EHBP1: variants seen among roughly 807,000 people sequenced by gnomAD.
The protein encoded by EHBP1 is EH domain binding protein 1.
A neutral mutation model predicts 144.0 loss-of-function variants in EHBP1; 55 were observed. The observed-to-expected ratio is 0.38, with a 90% confidence interval of 0.31 to 0.48. The LOEUF is 0.48. Among genes scored for constraint, EHBP1 ranks in the 20% least tolerant of loss-of-function variants. EHBP1 has a pLI of 0.98. For synonymous variants in EHBP1, 469 were observed against 472.7 expected (o/e 0.99, Z 0.10); for missense variants, 1,200 against 1,364.2 (o/e 0.88, Z 1.90).
At chr2:62,950,254 G>T (rs1274432653) in intron 13 of EHBP1, among the ~76,000 whole-genome samples, 1 of 151,982 alleles carries the variant, frequency 6.6e-6, no homozygotes, top group Non-Finnish European at 1.5e-5. Context: ...AGCCCCCAAA[G>T]TTAAAGCTAT....
intron 19 of EHBP1, among the ~76,000 whole-genome samples, chr2:63,025,423 GCTAA>G (rs1408199770): frequency 3.3e-5 from 5 of 152,196 alleles, no homozygotes; most frequent in Non-Finnish European, 7.3e-5. Flanking sequence ...ACCACACCCA[GCTAA>G]CTAACTTTTT....
chr2:62,680,030 T>G (rs1424776663), intron 1 of EHBP1, among the ~76,000 whole-genome samples: 2 of 152,212 alleles, frequency 1.3e-5, no homozygotes, highest in Admixed American at 6.5e-5. Flanking sequence ...CTCCCAAATG[T>G]GAGGGATTTG....
At chr2:62,709,452 T>C (rs1242128802) in intron 2 of EHBP1, among the ~76,000 whole-genome samples, 1 of 152,158 alleles carries the variant, frequency 6.6e-6, no homozygotes, top group Non-Finnish European at 1.5e-5. Context: ...AAATAGAACA[T>C]TATCAGGTGA....
rs559924440 is a variant in EHBP1, at chr2:62,751,759, A to T, written c.162+4307A>T. On this transcript the variant is annotated intron_variant, in intron 3 of 22. Transcript: ENST00000431489. ...TTTATGCATTTCTTCTAGATTTTCT[A>T]GTTTATTTGTGTAGAGGTGTTTATA... Among the ~76,000 whole-genome samples, 16 of 152,154 alleles carry T rather than the reference A, an allele frequency of 1.1e-4. No homozygotes were observed. The South Asian group carries it at 3.3e-3, about 32-fold the overall frequency.
chr2:62,987,091 T>G (rs984379643), intron 15 of EHBP1, among the ~76,000 whole-genome samples: 3 of 152,162 alleles, frequency 2.0e-5, no homozygotes, highest in African/African-American at 4.8e-5. Flanking sequence ...GAAATTAAAG[T>G]TAAACCTCTA....
chr2:62,788,572 A>G (rs972702939), intron 5 of EHBP1, among the ~76,000 whole-genome samples: 1 of 152,146 alleles, frequency 6.6e-6, no homozygotes, highest in African/African-American at 2.4e-5. Context: ...CAGTTTAACT[A>G]TATATTTTTC....
chr2:62,988,856 AG>A (rs896659231), intron 15 of EHBP1, among the ~76,000 whole-genome samples: 6 of 152,242 alleles, frequency 3.9e-5, no homozygotes, highest in South Asian at 2.1e-4. Context: ...AGCTAAAGGG[AG>A]TGAGAGCAAG....
intron 2 of EHBP1, among the ~76,000 whole-genome samples, chr2:62,712,387 G>GAGTTGTCAAGT (rs1553371956): frequency 1.7e-3 from 260 of 152,336 alleles, no homozygotes; most frequent in African/African-American, 5.5e-3. Context: ...AGTTGTCAAA[G>GAGTTGTCAAGT]TGAGAATGAA....
At chr2:62,882,028 C>A (rs896941745) in intron 10 of EHBP1, among the ~76,000 whole-genome samples, 1 of 152,152 alleles carries the variant, frequency 6.6e-6, no homozygotes, top group African/African-American at 2.4e-5. Context: ...ATACTCTACT[C>A]GGGTACCTGG....
intron 2 of EHBP1, among the ~76,000 whole-genome samples, chr2:62,723,328 A>C (rs1188250731): frequency 2.6e-5 from 4 of 151,992 alleles, no homozygotes; most frequent in African/African-American, 9.7e-5. Context: ...GTTTTCTATT[A>C]GCCCTGTAGG....
intron 4 of EHBP1, among the ~76,000 whole-genome samples, chr2:62,764,972 A>G (rs1385960252): frequency 1.3e-5 from 2 of 152,110 alleles, no homozygotes; most frequent in East Asian, 1.9e-4. Flanking sequence ...TAAATTGAAA[A>G]TAGCTGTTTC....
In EHBP1 at chr2:62,926,617, A is replaced by G. The variant is rs150989762; in HGVS notation, c.1186-16101A>G. Reference sequence around the variant, plus strand: ...CTAATCATGAGGGAAATGCAAATCAAAATCACAAAGAGATATCTCTTTCCA... The same window carrying G: ...CTAATCATGAGGGAAATGCAAATCAGAATCACAAAGAGATATCTCTTTCCA... On this transcript the variant is annotated intron_variant, in intron 10 of 22. Coordinates refer to ENST00000431489, the MANE Select transcript of EHBP1 (RefSeq NM_001142616.3). 9.5e-3 allele frequency among the ~76,000 whole-genome samples: 1,442 copies of G among 152,286 alleles called. 16 individuals carry two copies. The highest frequency in any genetic ancestry group is 0.024 in the Middle Eastern group (7 of 294).
intron 5 of EHBP1, among the ~76,000 whole-genome samples, chr2:62,808,193 A>G (rs764505870): frequency 4.2e-5 from 6 of 142,446 alleles, no homozygotes; most frequent in Middle Eastern, 3.9e-3. Flanking sequence ...CCAAGTCATT[A>G]TTATTTCAAT....
intron 19 of EHBP1, among the ~76,000 whole-genome samples, chr2:63,031,883 C>G (rs907939733): frequency 2.6e-5 from 4 of 152,014 alleles, no homozygotes; most frequent in Non-Finnish European, 5.9e-5. Flanking sequence ...GAGCTGAGAT[C>G]GTGTCACTGC....
chr2:62,762,238 C>T (rs953154714), intron 3 of EHBP1, among the ~76,000 whole-genome samples: 12 of 152,236 alleles, frequency 7.9e-5, no homozygotes, highest in African/African-American at 2.9e-4. Context: ...CAGGATGCCA[C>T]ACTTTTGCTT....
In EHBP1 at chr2:62,840,343, A is replaced by G. The variant is rs1162986448; in HGVS notation, c.634+9185A>G. Among the ~76,000 whole-genome samples the G allele has an allele frequency of 3.1e-5, 4 of 128,464 alleles. No homozygotes were observed. In the East Asian group the frequency reaches 9.7e-4, roughly 31 times the overall value. The allele number at this position is 128,464 out of a possible 152,430, so 84.3% of individuals were successfully genotyped here. On this transcript the variant is annotated intron_variant, in intron 7 of 22. Transcript: ENST00000431489. ...CACCTTATACAAAAATCAATTCAAGATGGATTAAAGACTGAAACATAAGAC... is the reference window on the plus strand; with the variant it reads ...CACCTTATACAAAAATCAATTCAAGGTGGATTAAAGACTGAAACATAAGAC...
At chr2:63,007,921 T>C (rs1427631309) in intron 19 of EHBP1, among the ~76,000 whole-genome samples, 12 of 151,718 alleles carry the variant, frequency 7.9e-5, no homozygotes, top group Admixed American at 7.9e-4. Flanking sequence ...GCCAGTTAAA[T>C]GTTTTAGAAG....
At chr2:62,693,599 A>C (rs1442092699) in intron 1 of EHBP1, among the ~76,000 whole-genome samples, 1 of 152,198 alleles carries the variant, frequency 6.6e-6, no homozygotes, top group Admixed American at 6.5e-5. Context: ...CTGTCACCTC[A>C]AATATTTATC....
intron 5 of EHBP1, among the ~76,000 whole-genome samples, chr2:62,773,071 A>T (rs1480812519): frequency 1.3e-5 from 2 of 152,210 alleles, no homozygotes; most frequent in Non-Finnish European, 2.9e-5. Context: ...AAGAGAATAC[A>T]CTAATTTATA....
Sources: allele counts gnomAD v4.1 joint callset (sites outside exome capture counted in the v4.1 genomes callset), GRCh38; gene constraint gnomAD v4.1.1; transcripts MANE v1.5; gene names NCBI Gene and HGNC (gene_info 2026-07-23, HGNC 2026-07-21).